The following ACACB variants were observed in gnomAD, a reference collection of about 807,000 sequenced individuals.
The protein encoded by ACACB is acetyl-CoA carboxylase 2.
A neutral mutation model predicts 278.8 loss-of-function variants in ACACB; 209 were observed. The ratio of observed to expected loss-of-function variants is 0.75; its 90% confidence interval spans 0.67 to 0.84. The LOEUF (loss-of-function observed/expected upper bound fraction) is 0.84, where lower values mean the gene tolerates loss of function less well. Ranked by LOEUF, ACACB falls within the 40% of genes least tolerant of loss-of-function variation. The pLI is 0.00. For missense variants in ACACB, 2,850 were observed against 3,269.0 expected, an observed-to-expected ratio of 0.87 and a Z score of 3.13; for synonymous variants, 1,174 against 1,285.6, an observed-to-expected ratio of 0.91 and a Z score of 1.86.
rs758187795 is a variant in ACACB, at chr12:109,167,019, G to T, written c.786+26G>T. The T allele has an allele frequency of 3.7e-6, 6 of 1,613,546 alleles. No individual in the cohort carries two copies. The Admixed American group carries it at 1.0e-4, about 27-fold the overall frequency. On this transcript the variant is annotated intron_variant, in intron 3 of 52. Transcript: ENST00000338432. Reference sequence around the variant, plus strand: ...GTACAGATGGGTCTCGGCACTCTGGGTGGGGTCCGATTGGGGTGCAGGGGC... The same window carrying T: ...GTACAGATGGGTCTCGGCACTCTGGTTGGGGTCCGATTGGGGTGCAGGGGC...
chr12:109,137,976 G>A (rs552098481), intron 1 of ACACB, among the ~76,000 whole-genome samples: 2 of 151,474 alleles, frequency 1.3e-5, no homozygotes, highest in South Asian at 4.2e-4. Flanking sequence ...TCAGCTCACT[G>A]CAACCTCCAC....
intron 34 of ACACB, among the ~76,000 whole-genome samples, chr12:109,239,170 T>C (rs1221779418): frequency 6.6e-6 from 1 of 152,122 alleles, no homozygotes; most frequent in Non-Finnish European, 1.5e-5. Context: ...CATCTCGGCC[T>C]CCCAAAGTGC....
chr12:109,244,776 C>CTCTATATCTATATCTATG (rs1270473672), intron 37 of ACACB, among the ~76,000 whole-genome samples: 186 of 152,120 alleles, frequency 1.2e-3, no homozygotes, highest in Non-Finnish European at 1.2e-3. Flanking sequence ...GTCTGTCTGC[C>CTCTATATCTATATCTATG]TCTATATCTA....
chr12:109,249,898 C>A, intron 40 of ACACB, 86 bp from the exon 41 acceptor site: 1 of 1,487,490 alleles, frequency 6.7e-7, no homozygotes, highest in Non-Finnish European at 9.0e-7. Flanking sequence ...CACCTTGCTG[C>A]CCAGTCAGTC....
chr12:109,171,912 C>T lies in ACACB; in HGVS notation c.1033C>T (p.Gln345Ter). The T allele has an allele frequency of 1.2e-6, 2 of 1,613,486 alleles. No individual in the cohort carries two copies. The highest frequency in any genetic ancestry group is 1.7e-6 in the Non-Finnish European group (2 of 1,179,454). Residue 345 changes from glutamine to a stop codon, truncating the protein, a stop_gained and splice_region_variant, in exon 5 of 53, where the codon CAG becomes TAG. Transcript: ENST00000338432. LOFTEE classifies it high-confidence loss of function. ...GGACATTGCCAAGAGAATCCCCGTG[C>T]AGGTAGATGGACTGGGGTGCCCAAG... ...IVDIAKRIPVQAVWAGWGHAS... is the reference protein window; with the variant it reads ...IVDIAKRIPV
chr12:109,263,695 A>G (rs2047439423), intron 49 of ACACB: 1 of 152,152 alleles, frequency 6.6e-6, no homozygotes, highest in African/African-American at 2.4e-5. Flanking sequence ...CTATAAATTC[A>G]ACTTCTTTGT....
intron 2 of ACACB, among the ~76,000 whole-genome samples, chr12:109,156,022 A>G (rs1008555207): frequency 1.3e-5 from 2 of 152,162 alleles, no homozygotes; most frequent in Non-Finnish European, 2.9e-5. Context: ...ACATGCTTTT[A>G]CTGGATTCAT....
intron 36 of ACACB, 79 bp downstream of exon 36, chr12:109,241,360 G>A: frequency 2.1e-6 from 3 of 1,416,552 alleles, no homozygotes; most frequent in Non-Finnish European, 3.0e-6. Context: ...AGATTAAGAT[G>A]GCATTTGGAG....
In ACACB at chr12:109,183,848, C is replaced by T. The variant is rs77983643; in HGVS notation, c.1819-1731C>T. 2.2e-4 allele frequency among the ~76,000 whole-genome samples: 33 copies of T among 152,132 alleles called. No individual in the cohort carries two copies. The East Asian group carries it at 6.4e-3, about 29-fold the overall frequency. On this transcript the variant is annotated intron_variant, in intron 11 of 52. Coordinates refer to ENST00000338432, the MANE Select transcript of ACACB (RefSeq NM_001093.4). ...CATAATGGGGTCTCATTACGTTGCCCAGGCTGGTCTCCCTCCCTTCCTCTT... is the reference window on the plus strand; with the variant it reads ...CATAATGGGGTCTCATTACGTTGCCTAGGCTGGTCTCCCTCCCTTCCTCTT...
intron 11 of ACACB, among the ~76,000 whole-genome samples, chr12:109,181,840 CTTTTTTTTTT>C (rs34174568): frequency 1.2e-5 from 1 of 81,550 alleles, no homozygotes; most frequent in East Asian, 3.9e-4. Flanking sequence ...TTTTCCTTTC[CTTTTTTTTTT>C]TTTTTTTTTT....
intron 2 of ACACB, 152 bp from the exon 3 acceptor site, chr12:109,166,709 G>C (rs967139355): frequency 9.3e-6 from 4 of 428,426 alleles, no homozygotes; most frequent in East Asian, 6.2e-5. Context: ...GAGCCTCCTT[G>C]TAAATTGCTT....
At chr12:109,128,567 G>A (rs749677346) in intron 1 of ACACB, among the ~76,000 whole-genome samples, 16 of 152,170 alleles carry the variant, frequency 1.1e-4, no homozygotes, top group African/African-American at 3.6e-4. Flanking sequence ...TCGAACTCCC[G>A]AACTCAAGTG....
chr12:109,156,587 G>GTTT (rs10616119), intron 2 of ACACB, among the ~76,000 whole-genome samples: 2 of 131,682 alleles, frequency 1.5e-5, no homozygotes, highest in African/African-American at 2.9e-5. Flanking sequence ...GTTTCTCTCT[G>GTTT]TTTTTTTTTT....
At chr12:109,229,194 T>C (rs140367006) in intron 28 of ACACB, among the ~76,000 whole-genome samples, 19,540 of 152,154 alleles carry the variant, frequency 0.13, 2,541 homozygotes, top group African/African-American at 0.33. Flanking sequence ...CCACCCGCCT[T>C]GGCCTCCCAA....
rs770730226 is a variant in ACACB, at chr12:109,222,756, G to A, written c.3679-43G>A. ...TGCCCGAGCCTCTGCCTTCTGCCCT[G>A]GGAGGTTGGCTCACGCCAGCGCCCC... On this transcript the variant is annotated intron_variant, in intron 25 of 52. Coordinates refer to ENST00000338432, the MANE Select transcript of ACACB (RefSeq NM_001093.4). 1.9e-6 allele frequency: 3 copies of A among 1,578,218 alleles called. 1 individual carries two copies. The highest frequency in any genetic ancestry group is 2.2e-5 in the East Asian group (1 of 44,516).
intron 6 of ACACB, 51 bp downstream of exon 6, chr12:109,172,407 C>A (rs762192156): frequency 6.4e-7 from 1 of 1,550,650 alleles, no homozygotes; most frequent in Non-Finnish European, 8.9e-7. Context: ...TGCTGGGACA[C>A]TCTGCTGGGT....
At chr12:109,133,867 T>A (rs373676572) in intron 1 of ACACB, among the ~76,000 whole-genome samples, 4,699 of 26,230 alleles carry the variant, frequency 0.18, 30 homozygotes, top group African/African-American at 0.2. Context: ...ATATATATTT[T>A]TTTTTTTTTT....
chr12:109,126,803 C>G (rs2042691183), intron 1 of ACACB, among the ~76,000 whole-genome samples: 1 of 152,196 alleles, frequency 6.6e-6, no homozygotes, highest in African/African-American at 2.4e-5. Context: ...CTTTCTGGGT[C>G]TATACTCTCA....
chr12:109,261,697 C>T (rs1447168160), intron 48 of ACACB, among the ~76,000 whole-genome samples: 2 of 151,710 alleles, frequency 1.3e-5, no homozygotes, highest in Non-Finnish European at 2.9e-5. Flanking sequence ...ACAGTGAAAC[C>T]CCGTCTCTAC....
Sources: gnomAD v4.1 joint callset for allele counts (sites outside exome capture counted in the v4.1 genomes callset) on GRCh38, gnomAD v4.1.1 for gene constraint, MANE v1.5 for transcripts, NCBI Gene and HGNC (gene_info 2026-07-23, HGNC 2026-07-21) for gene names.